Variants in KALRN observed in about 807,000 individuals in gnomAD.
The protein encoded by KALRN is kalirin RhoGEF kinase.
A neutral mutation model predicts 353.7 loss-of-function variants in KALRN; 70 were observed. That is an observed-to-expected ratio of 0.20 (90% confidence interval 0.16 to 0.24). KALRN has a LOEUF of 0.24. KALRN is among the 10% of genes least tolerant of loss of function. The pLI is 1.00. For synonymous variants in KALRN, 1,391 were observed against 1,434.8 expected (o/e 0.97, Z 0.69); for missense variants, 2,791 against 3,756.7 (o/e 0.74, Z 6.72).
intron 34 of KALRN, among the ~76,000 whole-genome samples, chr3:124,567,042 C>A (rs1449589353): frequency 6.6e-6 from 1 of 152,168 alleles, no homozygotes; most frequent in Non-Finnish European, 1.5e-5. Flanking sequence ...CAGGATGGTT[C>A]TTGATGATCC....
chr3:124,545,564 G>A (rs957930504), intron 33 of KALRN, among the ~76,000 whole-genome samples: 5 of 152,218 alleles, frequency 3.3e-5, no homozygotes, highest in Non-Finnish European at 5.9e-5. Context: ...GAGCCCAGGG[G>A]TGAGGGACCT....
rs59443298 is a variant in KALRN at position 124,086,309 on chromosome 3, TTGTGTGTGTGTGTGTGTGTGTG to T, written c.73+52520_73+52541del. Among the ~76,000 whole-genome samples, 384 of 141,864 alleles carry T rather than the reference TTGTGTGTGTGTGTGTGTGTGTG, an allele frequency of 2.7e-3. 2 individuals carry two copies. The highest frequency in any genetic ancestry group is 4.6e-3 in the Non-Finnish European group (300 of 64,948). The allele number at this position is 141,864 out of a possible 152,430, so 93.1% of individuals were successfully genotyped here. A position where few individuals can be genotyped will look rare whatever the true frequency, so the allele number is the denominator to read the frequency against. On this transcript the variant is annotated intron_variant, in intron 1 of 59. Transcript: ENST00000682506. ...GTCTCCTACTAGGTTGGTTGTTTTGTTGTGTGTGTGTGTGTGTGTGTGTGTGTGTGTGTGTGTGTGTGTGTTT... is the reference window on the plus strand; with the variant it reads ...GTCTCCTACTAGGTTGGTTGTTTTGTTGTGTGTGTGTGTGTGTGTGTGTTT...
chr3:124,434,227 C>T, intron 16 of KALRN, 80 bp from the exon 17 acceptor site: 1 of 980,746 alleles, frequency 1.0e-6, no homozygotes, highest in Non-Finnish European at 1.6e-6. Flanking sequence ...TGCATCTTTT[C>T]ACTCACGCCT....
chr3:124,228,421 T>G (rs1175840399), intron 2 of KALRN, among the ~76,000 whole-genome samples: 2 of 152,232 alleles, frequency 1.3e-5, no homozygotes, highest in East Asian at 3.8e-4. Flanking sequence ...CGGGAGATTT[T>G]TAAAGGAGTT....
At position 124,609,296 on chromosome 3, in the gene KALRN, G is replaced by A. The variant is rs150939010; in HGVS notation, c.5183-23124G>A. ...TGGTCTAAGTGTTTTTATCTGTTGA[G>A]GTCATGGAGTACTTCCTACTTTGGC... is the stretch of plus-strand genomic sequence containing the variant. On this transcript the variant is annotated intron_variant, in intron 34 of 59. Coordinates refer to ENST00000682506, the MANE Select transcript of KALRN (RefSeq NM_001388419.1). Among the ~76,000 whole-genome samples the A allele has an allele frequency of 7.9e-5, 12 of 152,152 alleles. No individual in the cohort carries two copies. The East Asian group carries it at 2.3e-3, about 29-fold the overall frequency.
intron 1 of KALRN, among the ~76,000 whole-genome samples, chr3:124,122,556 G>A (rs1417148422): frequency 6.6e-6 from 1 of 152,074 alleles, no homozygotes; most frequent in African/African-American, 2.4e-5. Flanking sequence ...TCACATTTTG[G>A]TAATTTTCAC....
intron 1 of KALRN, among the ~76,000 whole-genome samples, chr3:124,202,680 A>G (rs1017631253): frequency 6.6e-6 from 1 of 151,788 alleles, no homozygotes; most frequent in Non-Finnish European, 1.5e-5. Context: ...TGCCTGCTCC[A>G]TTTGTGGTAT....
chr3:124,621,919 A>G (rs2079313767), intron 34 of KALRN, among the ~76,000 whole-genome samples: 1 of 152,234 alleles, frequency 6.6e-6, no homozygotes, highest in Admixed American at 6.5e-5. Flanking sequence ...GGATTTATCC[A>G]TTGGCTACCC....
At chr3:124,642,962 C>A (rs1482936466) in intron 37 of KALRN, among the ~76,000 whole-genome samples, 1 of 151,824 alleles carries the variant, frequency 6.6e-6, no homozygotes, top group Non-Finnish European at 1.5e-5. Context: ...GATTAACAGG[C>A]ATGCGCCACC....
At chr3:124,207,680 C>A (rs2076532530) in intron 1 of KALRN, among the ~76,000 whole-genome samples, 1 of 152,178 alleles carries the variant, frequency 6.6e-6, no homozygotes, top group Admixed American at 6.5e-5. Context: ...TATTTGCTTT[C>A]TCTGATCCTC....
intron 6 of KALRN, among the ~76,000 whole-genome samples, chr3:124,318,129 C>T (rs527331834): frequency 1.4e-4 from 21 of 152,296 alleles, no homozygotes; most frequent in Non-Finnish European, 3.1e-4. Context: ...CTGGAGGAAA[C>T]ATTGCTATGG....
intron 3 of KALRN, among the ~76,000 whole-genome samples, chr3:124,259,014 T>G (rs949020391): frequency 1.3e-5 from 2 of 152,148 alleles, no homozygotes; most frequent in Non-Finnish European, 2.9e-5. Context: ...ATGACAGGGA[T>G]TTGGATACAA....
intron 10 of KALRN, among the ~76,000 whole-genome samples, chr3:124,355,976 A>G (rs1357949452): frequency 1.3e-5 from 2 of 151,934 alleles, no homozygotes; most frequent in African/African-American, 2.4e-5. Context: ...TGGCCTCCCA[A>G]AGTGCTGGGA....
At chr3:124,650,151 A>G (rs550270892) in intron 37 of KALRN, among the ~76,000 whole-genome samples, 4 of 152,266 alleles carry the variant, frequency 2.6e-5, no homozygotes, top group African/African-American at 9.6e-5. Flanking sequence ...TTCTTCCAGG[A>G]CACTTGTAAA....
chr3:124,181,828 G>A (rs1404409645), intron 1 of KALRN, among the ~76,000 whole-genome samples: 1 of 152,182 alleles, frequency 6.6e-6, no homozygotes, highest in Non-Finnish European at 1.5e-5. Flanking sequence ...TTCTCTGATG[G>A]GGAAGGAGGA....
At chr3:124,491,743 C>A in intron 31 of KALRN, 1 of 222,626 alleles carries the variant, frequency 4.5e-6, no homozygotes, top group Non-Finnish European at 8.7e-6. Flanking sequence ...GTGGCAAGAA[C>A]AATTGACGCT....
intron 37 of KALRN, among the ~76,000 whole-genome samples, chr3:124,645,271 A>G (rs2082561231): frequency 6.6e-6 from 1 of 152,080 alleles, no homozygotes; most frequent in Admixed American, 6.6e-5. Context: ...CTCCCATTCT[A>G]TAGCTTGCCT....
intron 1 of KALRN, among the ~76,000 whole-genome samples, chr3:124,091,494 T>C (rs1053912793): frequency 1.3e-5 from 2 of 152,172 alleles, no homozygotes; most frequent in Non-Finnish European, 2.9e-5. Context: ...GCTGGCTTTA[T>C]CTGATTGGGA....
At chr3:124,061,828 C>T (rs2042018678) in intron 1 of KALRN, among the ~76,000 whole-genome samples, 1 of 152,146 alleles carries the variant, frequency 6.6e-6, no homozygotes, top group South Asian at 2.1e-4. Context: ...TGTAGCGAGT[C>T]CATACAGTCC....
Sources: gnomAD v4.1 joint callset for allele counts (sites outside exome capture counted in the v4.1 genomes callset) on GRCh38, gnomAD v4.1.1 for gene constraint, MANE v1.5 for transcripts, NCBI Gene and HGNC (gene_info 2026-07-23, HGNC 2026-07-21) for gene names.